Variants in MMEL1 observed in about 807,000 individuals in gnomAD.
The protein encoded by MMEL1 is membrane metalloendopeptidase like 1.
MMEL1 carries 98 observed loss-of-function variants against 117.1 expected under a neutral mutation model. The ratio of observed to expected loss-of-function variants is 0.84; its 90% confidence interval spans 0.71 to 0.99. The LOEUF is 0.99. MMEL1 is among the 50% of genes least tolerant of loss of function. The probability of loss-of-function intolerance (pLI) is 0.00; values close to 1 mark genes in which losing one functional copy is unlikely to be tolerated. For missense variants in MMEL1, 1,014 were observed against 1,049.1 expected (o/e 0.97, Z 0.46); for synonymous variants, 390 against 415.1 (o/e 0.94, Z 0.74).
chr1:2,625,967 T>C (rs1450555566), intron 2 of MMEL1, among the ~76,000 whole-genome samples: 1 of 152,122 alleles, frequency 6.6e-6, no homozygotes, highest in Non-Finnish European at 1.5e-5. Flanking sequence ...GATTCACAGA[T>C]GGTTCTGCAT....
At chr1:2,593,008 GCACTGTGCCTGGCCCCACGGCAGC>G (rs1248150934) in intron 19 of MMEL1, 42 bp from the exon 20 acceptor site, 6 of 1,604,702 alleles carry the variant, frequency 3.7e-6, no homozygotes, top group Non-Finnish European at 4.2e-6. Context: ...GCCCCTGGCT[GCACTGTGCCTGGCCCCACGGCAGC>G]CACTGTGCCT....
At chr1:2,600,683 C>G (rs1252390394) in intron 11 of MMEL1, among the ~76,000 whole-genome samples, 1 of 96,042 alleles carries the variant, frequency 1.0e-5, no homozygotes. Context: ...GAGACCCTGT[C>G]TCAAACAAAC....
chr1:2,630,946 CGT>C (rs983083737), intron 1 of MMEL1, among the ~76,000 whole-genome samples: 2 of 148,300 alleles, frequency 1.3e-5, no homozygotes, highest in African/African-American at 2.5e-5. Flanking sequence ...TGGATATGCA[CGT>C]GTGTGCGTGT....
intron 2 of MMEL1, among the ~76,000 whole-genome samples, chr1:2,616,442 G>T (rs1340300580): frequency 6.6e-6 from 1 of 151,402 alleles, no homozygotes; most frequent in African/African-American, 2.4e-5. Flanking sequence ...ATGAAGGCCA[G>T]AAGATGATGG....
chr1:2,592,330 G>GC (rs199913369), intron 21 of MMEL1, among the ~76,000 whole-genome samples: 1 of 35,154 alleles, frequency 2.8e-5, no homozygotes, highest in Non-Finnish European at 4.8e-5. Context: ...CAGCGCTGAT[G>GC]CCCCCCCTCC....
chr1:2,613,278 C>T (rs938897290), intron 2 of MMEL1, among the ~76,000 whole-genome samples: 1 of 152,172 alleles, frequency 6.6e-6, no homozygotes, highest in Non-Finnish European at 1.5e-5. Context: ...AGGCCAGCAA[C>T]GGAAAGGAGG....
chr1:2,630,707 G>A (rs1014822189), intron 1 of MMEL1, among the ~76,000 whole-genome samples: 2 of 151,460 alleles, frequency 1.3e-5, no homozygotes, highest in Non-Finnish European at 2.9e-5. Context: ...GTGTGTGCAC[G>A]TGTGTGACTG....
At chr1:2,600,525 C>T (rs1184300481) in intron 11 of MMEL1, among the ~76,000 whole-genome samples, 4 of 117,992 alleles carry the variant, frequency 3.4e-5, no homozygotes, top group Admixed American at 1.7e-4. Flanking sequence ...ATAGAGAAAC[C>T]CTGTTTCTGG....
chr1:2,630,483 T>C (rs938586551), intron 1 of MMEL1, among the ~76,000 whole-genome samples: 3 of 149,152 alleles, frequency 2.0e-5, no homozygotes, highest in African/African-American at 5.2e-5. Flanking sequence ...TGTGTGTGTG[T>C]GCACGTGTGT....
rs752315459 is a variant in MMEL1 at position 2,595,966 on chromosome 1, C to T, written c.1500+43G>A. ...TTTGTCGGGGCGGTGCTGCCCGTGC[C>T]CAGATCCAGTCGGGGCTGCCCTGAC... On this transcript the variant is annotated intron_variant, in intron 15 of 23. Transcript: ENST00000378412. This position sits in a 1 kb window ranked among gnomAD's most constrained non-coding sequence, Gnocchi z 4.8. 22 of 1,559,204 alleles carry T rather than the reference C, an allele frequency of 1.4e-5. No individual in the cohort carries two copies. The highest frequency in any genetic ancestry group is 1.9e-5 in the Non-Finnish European group (21 of 1,131,692).
chr1:2,591,711 C>T (rs1644716152), intron 22 of MMEL1, 78 bp from the exon 23 acceptor site: 1 of 1,189,820 alleles, frequency 8.4e-7, no homozygotes, highest in Non-Finnish European at 1.3e-6. Flanking sequence ...CTCCACTATC[C>T]CCAGGCTGCC....
At chr1:2,593,978 TCTC>T (rs1296983595) in intron 18 of MMEL1, 45 bp from the exon 19 acceptor site, 12 of 1,545,336 alleles carry the variant, frequency 7.8e-6, no homozygotes, top group Non-Finnish European at 1.0e-5. Context: ...AGTGGACACA[TCTC>T]CTGTGTGCCA....
At chr1:2,613,923 A>G (rs1645166625) in intron 2 of MMEL1, among the ~76,000 whole-genome samples, 1 of 152,208 alleles carries the variant, frequency 6.6e-6, no homozygotes, top group Non-Finnish European at 1.5e-5. Flanking sequence ...CAATTATGTG[A>G]CATTCTGGAA....
chr1:2,604,112 CGCTG>C, intron 10 of MMEL1, 31 bp downstream of exon 10: 1 of 1,549,680 alleles, frequency 6.5e-7, no homozygotes, highest in South Asian at 1.2e-5. Flanking sequence ...CCAGCCCACT[CGCTG>C]CCCGCTCCCC....
rs773890834 is a variant in MMEL1 at position 2,603,870 on chromosome 1, T to C, written c.1041+14A>G. The C allele has an allele frequency of 1.2e-6, 2 of 1,612,138 alleles. No homozygotes were observed. The highest frequency in any genetic ancestry group is 1.7e-6 in the Non-Finnish European group (2 of 1,178,966). On this transcript the variant is annotated intron_variant, in intron 11 of 23. Coordinates refer to ENST00000378412, the MANE Select transcript of MMEL1 (RefSeq NM_033467.4). ...ACCCGGCCAGTGCCGGCCTCCTGTG[T>C]GGTGTGGCCTCACCTTCAGGCCAAA...
chr1:2,608,790 G>T (rs10910109), intron 6 of MMEL1, among the ~76,000 whole-genome samples: 1 of 151,654 alleles, frequency 6.6e-6, no homozygotes, highest in Admixed American at 6.6e-5. Context: ...TGTACACACC[G>T]CATGCATATA....
In MMEL1 at chr1:2,611,338, T is replaced by C; in HGVS notation, c.235A>G (p.Ile79Val). The change falls in exon 4 of 24, where the codon ATC (isoleucine) becomes GTC (valine). Residue 79 changes from isoleucine (I) to valine (V), a missense_variant and splice_region_variant. Ile to Val is a conservative substitution (Grantham distance 29). Transcript: ENST00000378412. ...RTFVKRKPRG[I>V]PEAQEVSEVC... ...TCGCTCACCTCTTGGGCCTCTGGGA[T>C]CCCTGCGGGCAAGGAGCAGCCTGAG... The C allele has an allele frequency of 6.5e-7, 1 of 1,536,702 alleles. No homozygotes were observed. The highest frequency in any genetic ancestry group is 1.2e-5 in the South Asian group (1 of 80,696).
intron 11 of MMEL1, among the ~76,000 whole-genome samples, chr1:2,600,540 A>AGG: frequency 6.6e-6 from 1 of 151,248 alleles, no homozygotes; most frequent in African/African-American, 2.4e-5. Context: ...TTCTGGGAAA[A>AGG]AAAAAAAAAT....
intron 11 of MMEL1, among the ~76,000 whole-genome samples, chr1:2,603,313 G>T (rs565188277): frequency 2.0e-5 from 3 of 152,198 alleles, no homozygotes; most frequent in Non-Finnish European, 4.4e-5. Flanking sequence ...GGAGGCCCTC[G>T]AGAAGGCCAG....
Sources: allele counts gnomAD v4.1 joint callset (sites outside exome capture counted in the v4.1 genomes callset), GRCh38; gene constraint gnomAD v4.1.1; non-coding constraint Gnocchi (gnomAD v3.1); transcripts MANE v1.5; gene names NCBI Gene and HGNC (gene_info 2026-07-23, HGNC 2026-07-21).